ZNF764: variants seen among roughly 807,000 people sequenced by gnomAD.
The protein encoded by ZNF764 is zinc finger protein 764.
A neutral mutation model predicts 13.9 loss-of-function variants in ZNF764; 10 were observed. That is an observed-to-expected ratio of 0.72 (90% confidence interval 0.44 to 1.22). The LOEUF is 1.22. ZNF764 is among the 50% of genes most tolerant of loss of function. ZNF764 has a pLI of 0.00. For synonymous variants in ZNF764, 313 were observed against 255.1 expected (o/e 1.23, Z -2.16); for missense variants, 647 against 589.7 (o/e 1.10, Z -1.01).
chr16:30,556,932 C>A (rs1237568239), intron 2 of ZNF764, among the ~76,000 whole-genome samples: 1 of 151,916 alleles, frequency 6.6e-6, no homozygotes, highest in Non-Finnish European at 1.5e-5. Context: ...GTCAGAAGTT[C>A]GAGACCAGCC....
In ZNF764 at chr16:30,555,162, C is replaced by T. The variant is rs200938620; in HGVS notation, c.*32G>A. The T allele has an allele frequency of 1.9e-6, 3 of 1,565,686 alleles. No individual in the cohort carries two copies. In the African/African-American group the frequency reaches 4.1e-5, roughly 22 times the overall value. ...GGCCCCTGAGCCCATCTCGGGCCTC[C>T]CGTAATGTCTAGATAGTCACTTTTA... is the stretch of plus-strand genomic sequence containing the variant. On this transcript the variant is annotated 3_prime_UTR_variant, in exon 3 of 3. Transcript: ENST00000395091.
chr16:30,557,139 CAAA>C (rs1164058299), intron 2 of ZNF764, among the ~76,000 whole-genome samples: 10 of 55,884 alleles, frequency 1.8e-4, no homozygotes, highest in African/African-American at 2.1e-4. Flanking sequence ...GACTCTGTCT[CAAA>C]AAAAAAAAAA....
At position 30,555,978 on chromosome 16, in the gene ZNF764, C is replaced by CA. The variant is rs774473469; in HGVS notation, c.439dup (p.Trp147LeufsTer25). The CA allele has an allele frequency of 6.2e-7, 1 of 1,612,088 alleles. No homozygotes were observed. Among genetic ancestry groups the CA allele is most frequent in the African/African-American group, 1.3e-5 (1 of 75,024 alleles). ...GTGCGGTGCCTTGGACAGCTGCTCC[C>CA]AACCATAAGGGGGCCCGGCCGAGGG... On this transcript the variant is annotated frameshift_variant, in exon 3 of 3. Coordinates refer to ENST00000395091, the MANE Select transcript of ZNF764 (RefSeq NM_001172679.2). LOFTEE classifies it low-confidence loss of function (END_TRUNC).
chr16:30,554,071 G>A lies in ZNF764; in HGVS notation c.*1123C>T, dbSNP rs1203954753. ...TGGTGGGGATGGGTGGCCGGGCCAC[G>A]GTGAATTGTGAGTTCTGGCTCCGGC... On this transcript the variant is annotated 3_prime_UTR_variant, in exon 3 of 3. Coordinates refer to ENST00000395091, the MANE Select transcript of ZNF764 (RefSeq NM_001172679.2). 2.6e-5 allele frequency: 4 copies of A among 152,206 alleles called. No homozygotes were observed. The highest frequency in any genetic ancestry group is 9.6e-5 in the African/African-American group (4 of 41,460). 9.4% of individuals were successfully genotyped at this position (152,206 alleles called of 1,614,324 possible). A position where few individuals can be genotyped will look rare whatever the true frequency, so the allele number is the denominator to read the frequency against.
Position 30,555,998 on chromosome 16 carries a change from C to T in ZNF764, c.420G>A (p.Ser140=), listed in dbSNP as rs1374520516. Residue 140 remains serine (S), a synonymous_variant, in exon 3 of 3, where the codon TCG becomes TCA. Transcript: ENST00000395091. ...SPGLKSPQAP[S]AGPPYGWEQL... is the part of the protein sequence containing the mutation. ...GCTCCCAACCATAAGGGGGCCCGGC[C>T]GAGGGGGCTTGGGGAGACTTCAGCC... 9.3e-6 allele frequency: 15 copies of T among 1,612,222 alleles called. No individual in the cohort carries two copies. Among genetic ancestry groups the T allele is most frequent in the African/African-American group, 1.3e-5 (1 of 74,844 alleles).
Position 30,555,538 on chromosome 16 carries a change from C to T in ZNF764, c.880G>A (p.Ala294Thr), listed in dbSNP as rs2151225076. 3.3e-6 allele frequency: 5 copies of T among 1,529,334 alleles called. No homozygotes were observed. Among genetic ancestry groups the T allele is most frequent in the South Asian group, 2.5e-5 (2 of 79,010 alleles). The allele number at this position is 1,529,334 out of a possible 1,614,324, so 94.7% of individuals were successfully genotyped here. Residue 294 changes from alanine (A) to threonine (T), a missense_variant, in exon 3 of 3, where the codon GCC (alanine) becomes ACC (threonine). Coordinates refer to ENST00000395091, the MANE Select transcript of ZNF764 (RefSeq NM_001172679.2). ...TPFPCPDCGR[A>T]FAYPSDLRRH... The stretch of plus-strand genomic sequence containing the variant: ...CGCAGGTCCGAGGGGTAGGCGAAGG[C>T]GCGGCCACAGTCCGGGCAGGGGAAG...
chr16:30,556,318 G>A (rs2051556499), intron 2 of ZNF764, among the ~76,000 whole-genome samples: 1 of 152,074 alleles, frequency 6.6e-6, no homozygotes, highest in Non-Finnish European at 1.5e-5. Flanking sequence ...GTCACGGTGG[G>A]GGAAGGGCAG....
Position 30,555,017 on chromosome 16 carries a change from G to C in ZNF764, c.*177C>G. ...AGGGGGCCTTGGAGAGCCCTGGGCA[G>C]TGGGGAGCAAGGTGCTGGCAGAGGA... On this transcript the variant is annotated 3_prime_UTR_variant, in exon 3 of 3. Transcript: ENST00000395091. 1 of 733,932 alleles carries C rather than the reference G, an allele frequency of 1.4e-6. No homozygotes were observed. Among genetic ancestry groups the C allele is most frequent in the Admixed American group, 3.2e-5 (1 of 31,376 alleles). 45.5% of individuals were successfully genotyped at this position (733,932 alleles called of 1,614,324 possible). A position where few individuals can be genotyped will look rare whatever the true frequency, so the allele number is the denominator to read the frequency against.
chr16:30,557,448 A>C (rs944120848), intron 2 of ZNF764, among the ~76,000 whole-genome samples: 11 of 152,154 alleles, frequency 7.2e-5, no homozygotes, highest in Non-Finnish European at 1.6e-4. Flanking sequence ...CCTAGACAAC[A>C]AAGCGAGACC....
Position 30,558,236 on chromosome 16 carries a change from C to T in ZNF764, c.-54G>A. On this transcript the variant is annotated 5_prime_UTR_variant, in exon 1 of 3. Transcript: ENST00000395091. Reference sequence around the variant, plus strand: ...GCTGCCTCCCCTGGCCTGGCCTGGGCCTGCGGAACCTCCTGCGCCCGAGAA... The same window carrying T: ...GCTGCCTCCCCTGGCCTGGCCTGGGTCTGCGGAACCTCCTGCGCCCGAGAA... The T allele has an allele frequency of 3.4e-6, 5 of 1,469,370 alleles. No individual in the cohort carries two copies. Among genetic ancestry groups the T allele is most frequent in the Non-Finnish European group, 4.5e-6 (5 of 1,114,884 alleles). The allele number at this position is 1,469,370 out of a possible 1,614,324, so 91.0% of individuals were successfully genotyped here. A position where few individuals can be genotyped will look rare whatever the true frequency, so the allele number is the denominator to read the frequency against.
At chr16:30,556,242 C>G in intron 2 of ZNF764, 135 bp from the exon 3 acceptor site, 1 of 1,026,738 alleles carries the variant, frequency 9.7e-7, no homozygotes, top group Non-Finnish European at 1.4e-6. Context: ...ACCTGTTCCT[C>G]GGCTGCAGAG....
At chr16:30,557,872 C>A (rs1182223658) in intron 1 of ZNF764, 26 bp from the exon 2 acceptor site, 2 of 1,584,564 alleles carry the variant, frequency 1.3e-6, no homozygotes, top group Non-Finnish European at 1.7e-6. Context: ...GCAAACCCCA[C>A]GCTGCGGGGA....
Position 30,555,233 on chromosome 16 carries a change from G to A in ZNF764, c.1185C>T (p.Gly395=). The A allele has an allele frequency of 6.2e-7, 1 of 1,611,662 alleles. No homozygotes were observed. Among genetic ancestry groups the A allele is most frequent in the African/African-American group, 1.3e-5 (1 of 74,916 alleles). Residue 395 remains glycine (G), a synonymous_variant, in exon 3 of 3, where the codon GGC becomes GGT. Transcript: ENST00000395091. The stretch of plus-strand genomic sequence containing the variant: ...GGAATATCTCCGGGTACAGCTGGAA[G>A]CCCACGGGCGGGTCCAGGTCTCCGT... ...PGHGDLDPPV[G]FQLYPEIFQE... is the part of the protein sequence containing the mutation.
Position 30,555,707 on chromosome 16 carries a change from C to T in ZNF764, c.711G>A (p.Arg237=). 6.3e-7 allele frequency: 1 copy of T among 1,584,744 alleles called. No individual in the cohort carries two copies. Among genetic ancestry groups the T allele is most frequent in the Admixed American group, 1.8e-5 (1 of 55,622 alleles). ...ERPHRCLECG[R]AFTQRSALTS... ...TCAGCGCCGAGCGCTGCGTGAAGGC[C>T]CGGCCACACTCCAGACAGCGGTGGG... is the stretch of plus-strand genomic sequence containing the variant. Residue 237 remains arginine (R), a synonymous_variant, in exon 3 of 3, where the codon CGG becomes CGA. Coordinates refer to ENST00000395091, the MANE Select transcript of ZNF764 (RefSeq NM_001172679.2).
In ZNF764 at chr16:30,558,116, G is replaced by C; in HGVS notation, c.67C>G (p.Pro23Ala). 6.2e-7 allele frequency: 1 copy of C among 1,608,674 alleles called. No individual in the cohort carries two copies. The change falls in exon 1 of 3, where the codon CCG becomes GCG. Residue 23 changes from proline (P) to alanine (A), a missense_variant. Coordinates refer to ENST00000395091, the MANE Select transcript of ZNF764 (RefSeq NM_001172679.2). ...ACGTCCGCGAAGCTCACAGCCCCCG[G>C]CTCCCTCCACTCGGGTCCGGCCCCG... ...PNGAGPEWREPGAVSFADVAV... is the reference protein window; with the variant it reads ...PNGAGPEWREAGAVSFADVAV...
intron 2 of ZNF764, 86 bp from the exon 3 acceptor site, chr16:30,556,193 G>A (rs2051555274): frequency 1.9e-5 from 29 of 1,504,582 alleles, no homozygotes; most frequent in Non-Finnish European, 2.6e-5. Context: ...GGACAGGCCT[G>A]CTGGATCCCC....
At position 30,555,582 on chromosome 16, in the gene ZNF764, A is replaced by T; in HGVS notation, c.836T>A (p.Val279Glu). 1 of 1,539,818 alleles carries T rather than the reference A, an allele frequency of 6.5e-7. No individual in the cohort carries two copies. The highest frequency in any genetic ancestry group is 1.2e-5 in the South Asian group (1 of 82,862). The change falls in exon 3 of 3, where the codon GTG becomes GAG. Residue 279 changes from valine to glutamate, a missense_variant. Val to Glu is a moderately radical substitution (Grantham distance 121). Transcript: ENST00000395091. ...QSSALYQHRR[V>E]HSGETPFPCP... ...GGGGAAGGGGGTCTCGCCGCTGTGC[A>T]CGCGCCGGTGCTGGTAGAGGGCAGA...
At chr16:30,556,213 TG>T in intron 2 of ZNF764, 106 bp from the exon 3 acceptor site, 2 of 1,343,346 alleles carry the variant, frequency 1.5e-6, no homozygotes, top group Non-Finnish European at 2.1e-6. Context: ...CGGCTGCTCC[TG>T]GGAGATGGAG....
rs747076946 is a variant in ZNF764 at position 30,555,714 on chromosome 16, C to T, written c.704G>A (p.Cys235Tyr). 3.8e-6 allele frequency: 6 copies of T among 1,590,682 alleles called. No homozygotes were observed. Among genetic ancestry groups the T allele is most frequent in the Admixed American group, 1.8e-5 (1 of 56,488 alleles). The change falls in exon 3 of 3, where the codon TGT becomes TAT. Residue 235 changes from cysteine to tyrosine, a missense_variant. Cys to Tyr is a radical substitution (Grantham distance 194, BLOSUM62 -2). Transcript: ENST00000395091. ...CGAGCGCTGCGTGAAGGCCCGGCCA[C>T]ACTCCAGACAGCGGTGGGGCCGCTC... is the stretch of plus-strand genomic sequence containing the variant. ...RGERPHRCLE[C>Y]GRAFTQRSAL...
Sources: gnomAD v4.1 joint callset for allele counts (sites outside exome capture counted in the v4.1 genomes callset) on GRCh38, gnomAD v4.1.1 for gene constraint, MANE v1.5 for transcripts, NCBI Gene and HGNC (gene_info 2026-07-23, HGNC 2026-07-21) for gene names.